The following FAM114A1 variants were observed in gnomAD, a reference collection of about 807,000 sequenced individuals.
The protein encoded by FAM114A1 is family with sequence similarity 114 member A1.
A neutral mutation model predicts 64.3 loss-of-function variants in FAM114A1; 62 were observed. The ratio of observed to expected loss-of-function variants is 0.96; its 90% CI spans 0.79 to 1.19. The LOEUF is 1.19. Ranked by LOEUF, FAM114A1 falls within the 50% of genes most tolerant of loss-of-function variation. The pLI, the probability that FAM114A1 is intolerant of heterozygous loss-of-function variation, is 0.00. For missense variants in FAM114A1, 645 were observed against 676.3 expected (o/e 0.95, Z 0.51); for synonymous variants, 254 against 251.1 (o/e 1.01, Z -0.11).
At chr4:38,871,955 C>G (rs1714114577) in intron 2 of FAM114A1, among the ~76,000 whole-genome samples, 1 of 152,344 alleles carries the variant, frequency 6.6e-6, no homozygotes, top group South Asian at 2.1e-4. Flanking sequence ...TAGAAGAACG[C>G]TACTCCAAAG....
intron 3 of FAM114A1, among the ~76,000 whole-genome samples, chr4:38,880,125 G>A (rs868535859): frequency 9.7e-5 from 9 of 93,244 alleles, no homozygotes; most frequent in African/African-American, 3.0e-4. Flanking sequence ...GAATAGAATA[G>A]AATAGAATAG....
intron 9 of FAM114A1, among the ~76,000 whole-genome samples, chr4:38,928,693 G>A (rs1375169714): frequency 6.6e-6 from 1 of 152,128 alleles, no homozygotes; most frequent in African/African-American, 2.4e-5. Context: ...AATATTGTAG[G>A]ACCAGCCAGG....
At chr4:38,914,825 A>T in intron 7 of FAM114A1, 96 bp from the exon 8 acceptor site, 1 of 1,383,624 alleles carries the variant, frequency 7.2e-7, no homozygotes, top group Non-Finnish European at 9.7e-7. Context: ...CCCCTCTCCA[A>T]CACAAAATCA....
intron 10 of FAM114A1, among the ~76,000 whole-genome samples, chr4:38,929,653 T>C (rs534432684): frequency 1.3e-5 from 2 of 152,368 alleles, no homozygotes; most frequent in South Asian, 4.1e-4. Flanking sequence ...GGCGCATGCC[T>C]GTAATCCCAG....
At chr4:38,934,917 A>C (rs1579411040) in intron 12 of FAM114A1, among the ~76,000 whole-genome samples, 1 of 149,142 alleles carries the variant, frequency 6.7e-6, no homozygotes, top group Admixed American at 6.7e-5. Context: ...TAACTTTCTT[A>C]CTTTTTTTTT....
chr4:38,879,345 G>C (rs894813864), intron 3 of FAM114A1, among the ~76,000 whole-genome samples: 3 of 152,168 alleles, frequency 2.0e-5, no homozygotes, highest in Non-Finnish European at 4.4e-5. Context: ...TGATGTGAGG[G>C]ACAGGAACTA....
intron 4 of FAM114A1, among the ~76,000 whole-genome samples, chr4:38,901,966 A>G (rs1717565029): frequency 6.6e-6 from 1 of 152,216 alleles, no homozygotes; most frequent in Non-Finnish European, 1.5e-5. Context: ...GAATAAAACA[A>G]TGTTTTAAAA....
intron 8 of FAM114A1, among the ~76,000 whole-genome samples, chr4:38,921,882 G>C (rs1449234396): frequency 8.4e-6 from 1 of 118,572 alleles, no homozygotes; most frequent in African/African-American, 2.8e-5. Context: ...GTATATATGT[G>C]CATCTATAGA....
chr4:38,921,962 A>G (rs1216537806), intron 8 of FAM114A1, among the ~76,000 whole-genome samples: 1 of 152,060 alleles, frequency 6.6e-6, no homozygotes, highest in African/African-American at 2.4e-5. Context: ...TTATTTTTTG[A>G]GATGGAGTCT....
At position 38,922,777 on chromosome 4, in the gene FAM114A1, C is replaced by A; in HGVS notation, c.953C>A (p.Ser318Ter). 4.4e-6 allele frequency: 7 copies of A among 1,608,858 alleles called. No individual in the cohort carries two copies. In the South Asian group the frequency reaches 6.7e-5, roughly 15 times the overall value. ...LSNESESKVQ[S>*]FLASLDGEKL... ...ACCTATTTCTTTTTTCAGGTTCAGT[C>A]ATTTTTAGCATCACTTGATGGAGAG... Residue 318 changes from serine to a stop codon, truncating the protein, a stop_gained, in exon 9 of 15, where the codon TCA (serine) becomes TAA (stop). Coordinates refer to ENST00000358869, the MANE Select transcript of FAM114A1 (RefSeq NM_138389.4). LOFTEE classifies it high-confidence loss of function.
intron 13 of FAM114A1, among the ~76,000 whole-genome samples, chr4:38,939,972 A>C (rs1296735249): frequency 6.9e-6 from 1 of 145,258 alleles, no homozygotes; most frequent in Non-Finnish European, 1.5e-5. Context: ...CACTGCAACC[A>C]CTGCCTCCTA....
intron 12 of FAM114A1, 78 bp downstream of exon 12, chr4:38,932,452 A>T (rs1342989445): frequency 1.3e-5 from 17 of 1,352,352 alleles, no homozygotes; most frequent in Non-Finnish European, 1.7e-5. Flanking sequence ...ATACACACCC[A>T]CACCCTCTAA....
chr4:38,911,038 A>G (rs1718483039), intron 7 of FAM114A1, among the ~76,000 whole-genome samples: 1 of 152,234 alleles, frequency 6.6e-6, no homozygotes. Flanking sequence ...GACCAAGGGC[A>G]GGGAGACTGG....
At chr4:38,928,991 G>C in intron 9 of FAM114A1, 1 of 469,270 alleles carries the variant, frequency 2.1e-6, no homozygotes, top group Non-Finnish European at 3.9e-6. Context: ...GTTGCCTTTG[G>C]GTTGTCCTGG....
intron 3 of FAM114A1, among the ~76,000 whole-genome samples, chr4:38,885,486 A>G (rs1715710653): frequency 6.6e-6 from 1 of 152,162 alleles, no homozygotes. Flanking sequence ...CATGTTGCCC[A>G]GGCTGGTCTT....
chr4:38,932,699 G>T (rs1034770605), intron 12 of FAM114A1, among the ~76,000 whole-genome samples: 1 of 151,580 alleles, frequency 6.6e-6, no homozygotes, highest in Non-Finnish European at 1.5e-5. Flanking sequence ...GCCTGGCCAC[G>T]TTGCCCAGGC....
chr4:38,939,886 C>CTT lies in FAM114A1; in HGVS notation c.1537-1065_1537-1064dup, dbSNP rs545845095. Among the ~76,000 whole-genome samples, 541 of 131,620 alleles carry CTT rather than the reference C, an allele frequency of 4.1e-3. 7 individuals carry two copies. Among genetic ancestry groups the CTT allele is most frequent in the African/African-American group, 0.012 (426 of 34,656 alleles). The allele number at this position is 131,620 out of a possible 152,430, so 86.3% of individuals were successfully genotyped here. ...ACCAACTCTGCCTTTCACTTTCTTT[C>CTT]TTTTTTTTTTTTTTTTTTGTTAGAC... is the stretch of plus-strand genomic sequence containing the variant. On this transcript the variant is annotated intron_variant, in intron 13 of 14. Transcript: ENST00000358869.
intron 3 of FAM114A1, among the ~76,000 whole-genome samples, chr4:38,889,066 C>A (rs1716081917): frequency 1.3e-5 from 2 of 152,140 alleles, no homozygotes; most frequent in African/African-American, 4.8e-5. Flanking sequence ...ACTTATTATA[C>A]AGCAAAAAGT....
intron 12 of FAM114A1, among the ~76,000 whole-genome samples, chr4:38,934,662 C>T (rs569773766): frequency 3.9e-5 from 6 of 152,104 alleles, no homozygotes; most frequent in Non-Finnish European, 8.8e-5. Flanking sequence ...TTGTCATCAT[C>T]CATAGTGTTA....
Sources: gnomAD v4.1 joint callset for allele counts (sites outside exome capture counted in the v4.1 genomes callset) on GRCh38, gnomAD v4.1.1 for gene constraint, MANE v1.5 for transcripts, NCBI Gene and HGNC (gene_info 2026-07-23, HGNC 2026-07-21) for gene names.